Variants in MAGI2 observed in about 807,000 individuals in gnomAD.
The protein encoded by MAGI2 is membrane-associated guanylate kinase, WW and PDZ domain-containing protein 2.
A neutral mutation model predicts 133.3 loss-of-function variants in MAGI2; 35 were observed. The ratio of observed to expected loss-of-function variants is 0.26; its 90% CI spans 0.20 to 0.35. MAGI2 has a LOEUF of 0.35. Ranked by LOEUF, MAGI2 falls within the 10% of genes least tolerant of loss-of-function variation. The pLI, the probability that MAGI2 is intolerant of heterozygous loss-of-function variation, is 1.00. For synonymous variants in MAGI2, 729 were observed against 710.6 expected (o/e 1.03, Z -0.41); for missense variants, 1,636 against 1,863.4 (o/e 0.88, Z 2.25).
At chr7:78,099,245 C>T (rs950519544) in intron 20 of MAGI2, among the ~76,000 whole-genome samples, 7 of 152,074 alleles carry the variant, frequency 4.6e-5, no homozygotes, top group African/African-American at 1.7e-4. Flanking sequence ...AAATGAAAAG[C>T]ATTTTTCTCA....
At chr7:78,559,181 GA>G (rs1800158460) in intron 3 of MAGI2, among the ~76,000 whole-genome samples, 1 of 19,400 alleles carries the variant, frequency 5.2e-5, no homozygotes, top group Non-Finnish European at 1.1e-4. Context: ...AAAAAGAAAA[GA>G]AAAGAAAAGA....
intron 2 of MAGI2, among the ~76,000 whole-genome samples, chr7:78,912,095 T>C (rs535335280): frequency 6.6e-6 from 1 of 152,316 alleles, no homozygotes; most frequent in East Asian, 1.9e-4. Flanking sequence ...TCTTAAAAAC[T>C]TCCAATGATA....
intron 1 of MAGI2, among the ~76,000 whole-genome samples, chr7:79,300,597 A>G (rs1038583044): frequency 6.6e-6 from 1 of 152,170 alleles, no homozygotes; most frequent in African/African-American, 2.4e-5. Context: ...CAGAGCATAA[A>G]AATTGGGAAA....
chr7:78,622,679 T>C (rs2150943594), intron 3 of MAGI2, among the ~76,000 whole-genome samples: 1 of 152,118 alleles, frequency 6.6e-6, no homozygotes, highest in South Asian at 2.1e-4. Flanking sequence ...AGTGAAGAAA[T>C]GCAGCAATTT....
At chr7:78,444,321 A>T (rs1220663192) in intron 6 of MAGI2, among the ~76,000 whole-genome samples, 1 of 152,104 alleles carries the variant, frequency 6.6e-6, no homozygotes, top group African/African-American at 2.4e-5. Flanking sequence ...GCCACGCAGA[A>T]CAGTGAAAAA....
At chr7:78,826,404 G>T (rs1790655385) in intron 2 of MAGI2, among the ~76,000 whole-genome samples, 1 of 148,994 alleles carries the variant, frequency 6.7e-6, no homozygotes, top group Non-Finnish European at 1.5e-5. Flanking sequence ...AGAAAACAGT[G>T]TAACAAAGCT....
chr7:78,363,495 AAAT>A (rs1554367009), intron 7 of MAGI2, among the ~76,000 whole-genome samples: 2 of 122,352 alleles, frequency 1.6e-5, no homozygotes, highest in East Asian at 4.2e-4. Context: ...TCCATCTCGA[AAAT>A]AATAATAATA....
At chr7:78,466,158 T>C (rs753252165) in intron 6 of MAGI2, among the ~76,000 whole-genome samples, 3 of 152,210 alleles carry the variant, frequency 2.0e-5, no homozygotes, top group African/African-American at 4.8e-5. Context: ...TCCTGACTGC[T>C]TTCTTACCCT....
At chr7:78,949,312 A>G (rs1449430968) in intron 2 of MAGI2, among the ~76,000 whole-genome samples, 1 of 152,130 alleles carries the variant, frequency 6.6e-6, no homozygotes, top group Non-Finnish European at 1.5e-5. Flanking sequence ...TTTATTTTGT[A>G]TTTGAAATTA....
intron 1 of MAGI2, among the ~76,000 whole-genome samples, chr7:79,390,282 C>G (rs1585806527): frequency 6.6e-6 from 1 of 152,102 alleles, no homozygotes; most frequent in Non-Finnish European, 1.5e-5. Context: ...AGAACAAAAT[C>G]TTCAGGTACA....
At chr7:78,675,906 C>A (rs1814973185) in intron 2 of MAGI2, among the ~76,000 whole-genome samples, 1 of 152,100 alleles carries the variant, frequency 6.6e-6, no homozygotes, top group East Asian at 1.9e-4. Flanking sequence ...TGCACACTGG[C>A]CTAGTTCCTT....
intron 3 of MAGI2, among the ~76,000 whole-genome samples, chr7:78,589,635 A>G (rs1395718169): frequency 6.6e-6 from 1 of 152,118 alleles, no homozygotes; most frequent in Non-Finnish European, 1.5e-5. Context: ...GGTGTGATCT[A>G]CACTTGATCT....
chr7:78,142,189 C>T lies in MAGI2; in HGVS notation c.2846-6983G>A, dbSNP rs1032162274. Among the ~76,000 whole-genome samples, 3 of 152,132 alleles carry T rather than the reference C, an allele frequency of 2.0e-5. No homozygotes were observed. In the South Asian group the frequency reaches 6.2e-4, roughly 31 times the overall value. ...AAGGGCCTGGTGTTTGGTTTAGTCACCTGTCACCAGCTTGATATTCTTAAT... is the reference window on the plus strand; with the variant it reads ...AAGGGCCTGGTGTTTGGTTTAGTCATCTGTCACCAGCTTGATATTCTTAAT... On this transcript the variant is annotated intron_variant, in intron 16 of 21. Coordinates refer to ENST00000354212, the MANE Select transcript of MAGI2 (RefSeq NM_012301.4).
chr7:79,190,874 G>A (rs991514620), intron 1 of MAGI2, among the ~76,000 whole-genome samples: 1 of 151,744 alleles, frequency 6.6e-6, no homozygotes, highest in African/African-American at 2.4e-5. Context: ...GATGTATACA[G>A]GAGATGTTTT....
intron 1 of MAGI2, among the ~76,000 whole-genome samples, chr7:79,013,263 T>C (rs1311670797): frequency 6.6e-6 from 1 of 152,158 alleles, no homozygotes; most frequent in Admixed American, 6.5e-5. Flanking sequence ...AATAATCTCC[T>C]TTTGATATTG....
chr7:79,219,516 A>G (rs543809836), intron 1 of MAGI2, among the ~76,000 whole-genome samples: 1 of 152,094 alleles, frequency 6.6e-6, no homozygotes, highest in East Asian at 1.9e-4. Flanking sequence ...GAATTGTTAC[A>G]AAGTGGCCAG....
At chr7:78,084,740 T>C (rs968625355) in intron 20 of MAGI2, among the ~76,000 whole-genome samples, 1 of 152,136 alleles carries the variant, frequency 6.6e-6, no homozygotes, top group African/African-American at 2.4e-5. Flanking sequence ...AGAATTAGGG[T>C]CTTTGCTGCT....
At chr7:78,129,078 T>A in intron 18 of MAGI2, among the ~76,000 whole-genome samples, 1 of 152,318 alleles carries the variant, frequency 6.6e-6, no homozygotes, top group East Asian at 1.9e-4. Context: ...ATTTCCATGA[T>A]CTGTATGGTA....
intron 2 of MAGI2, among the ~76,000 whole-genome samples, chr7:78,878,928 C>A (rs149104854): frequency 1.3e-5 from 2 of 152,140 alleles, no homozygotes; most frequent in African/African-American, 4.8e-5. Context: ...ATTTAAATCA[C>A]CTGTTCATCT....
Sources: allele counts gnomAD v4.1 joint callset (sites outside exome capture counted in the v4.1 genomes callset), GRCh38; gene constraint gnomAD v4.1.1; transcripts MANE v1.5; gene names NCBI Gene and HGNC (gene_info 2026-07-23, HGNC 2026-07-21).